The following TAF1 variants were observed in gnomAD, a reference collection of about 807,000 sequenced individuals.
TAF1 encodes the protein transcription initiation factor TFIID subunit 1.
A neutral mutation model predicts 138.5 loss-of-function variants in TAF1; 2 were observed. The observed-to-expected ratio is 0.01, with a 90% CI of 0.01 to 0.05. The LOEUF (loss-of-function observed/expected upper bound fraction) is 0.05, where lower values mean the gene tolerates loss of function less well. TAF1 is among the 10% of genes least tolerant of loss of function. TAF1 has a pLI of 1.00. For missense variants in TAF1, 709 were observed against 1,478.0 expected, an observed-to-expected ratio of 0.48 and a Z score of 8.53; for synonymous variants, 437 against 503.2, an observed-to-expected ratio of 0.87 and a Z score of 1.76.
intron 13 of TAF1, among the ~76,000 whole-genome samples, chrX:71,519,661 A>C (rs1002346432): frequency 6.3e-5 from 7 of 111,868 alleles, no homozygotes; most frequent in African/African-American, 2.3e-4. Context: ...AAAAATAAAA[A>C]AAATAAAAAC....
intron 13 of TAF1, among the ~76,000 whole-genome samples, chrX:71,488,288 G>C (rs1386405084): frequency 7.3e-5 from 7 of 96,198 alleles, no homozygotes; most frequent in African/African-American, 2.8e-4. Context: ...CTTTTGCCCA[G>C]GGTGGAGTGC....
At chrX:71,403,012 TTA>T (rs1460786987) in intron 25 of TAF1, among the ~76,000 whole-genome samples, 1 of 110,660 alleles carries the variant, frequency 9.0e-6, no homozygotes. Context: ...TCCCTACCTT[TTA>T]TGTTTTCCTT....
At chrX:71,405,940 A>G (rs946081010) in intron 25 of TAF1, among the ~76,000 whole-genome samples, 16 of 111,867 alleles carry the variant, frequency 1.4e-4, no homozygotes, top group Non-Finnish European at 3.8e-5. Flanking sequence ...ATGAGCTTTA[A>G]TGATTGAGGG....
At position 71,425,762 on chromosome X, in the gene TAF1, C is replaced by T. The variant is rs148703866; in HGVS notation, c.4753+1524C>T. The stretch of plus-strand genomic sequence containing the variant: ...TGAGAGTTAGGGAAGGCTTCATAAA[C>T]GAGCTAATATAGTTCAGTTTTTAAT... On this transcript the variant is annotated intron_variant, in intron 32 of 37. Transcript: ENST00000423759. Among the ~76,000 whole-genome samples, 393 of 111,829 alleles carry T rather than the reference C, an allele frequency of 3.5e-3. 3 individuals carry two copies. The highest frequency in any genetic ancestry group is 5.7e-3 in the Non-Finnish European group (305 of 53,200).
intron 28 of TAF1, among the ~76,000 whole-genome samples, chrX:71,413,212 T>C (rs967361915): frequency 2.7e-5 from 3 of 112,029 alleles, no homozygotes; most frequent in Non-Finnish European, 5.6e-5. Context: ...GCCGAATTGC[T>C]GAGTCCACAT....
intron 13 of TAF1, among the ~76,000 whole-genome samples, chrX:71,488,652 G>A: frequency 9.0e-6 from 1 of 111,399 alleles, no homozygotes; most frequent in South Asian, 3.8e-4. Flanking sequence ...AGCTACCTTG[G>A]CCTCCTAGTC....
intron 32 of TAF1, among the ~76,000 whole-genome samples, chrX:71,426,725 AAAAC>A (rs1446554097): frequency 4.5e-5 from 5 of 110,275 alleles, no homozygotes; most frequent in East Asian, 2.8e-4. Flanking sequence ...CAAAAAAAAA[AAAAC>A]AAAGAGACAG....
chrX:71,396,533 C>G (rs1337380507), intron 22 of TAF1, among the ~76,000 whole-genome samples: 1 of 109,997 alleles, frequency 9.1e-6, no homozygotes, highest in Non-Finnish European at 1.9e-5. Context: ...CTCAAGTGAT[C>G]CTCCCACCTT....
chrX:71,377,757 A>T lies in TAF1; in HGVS notation c.869A>T (p.Lys290Met). 1 of 1,211,739 alleles carries T rather than the reference A, an allele frequency of 8.3e-7. No homozygotes were observed. The highest frequency in any genetic ancestry group is 1.1e-6 in the Non-Finnish European group (1 of 895,556). ...TCAGTAGAATCAGAAGTCAGCCAGAAGTCTTTGTGGAACTACGACTACGCT... is the reference window on the plus strand; with the variant it reads ...TCAGTAGAATCAGAAGTCAGCCAGATGTCTTTGTGGAACTACGACTACGCT... ...ECSVESEVSQ[K>M]SLWNYDYAPP... Residue 290 changes from lysine to methionine, a missense_variant, in exon 6 of 38, where the codon AAG becomes ATG. Around this residue, in one of 14 missense-constraint regions of TAF1, gnomAD observed 26 missense variants for 20.9 expected, o/e 1.25. Coordinates refer to ENST00000423759, the MANE Select transcript of TAF1 (RefSeq NM_004606.5).
At chrX:71,520,132 TTTA>T (rs2039904783) in intron 13 of TAF1, among the ~76,000 whole-genome samples, 1 of 27,555 alleles carries the variant, frequency 3.6e-5, no homozygotes, top group Admixed American at 5.6e-4. Flanking sequence ...TTTTATTTTA[TTTA>T]TTTATTTATT....
intron 13 of TAF1, among the ~76,000 whole-genome samples, chrX:71,487,317 A>ATTTTTT (rs60691914): frequency 4.9e-4 from 27 of 55,001 alleles, no homozygotes; most frequent in Non-Finnish European, 6.4e-4. Flanking sequence ...TAATGTATGT[A>ATTTTTT]TTTTTTTTTT....
chrX:71,398,344 GAAAA>G (rs1204823703), intron 23 of TAF1, among the ~76,000 whole-genome samples: 32 of 72,510 alleles, frequency 4.4e-4, no homozygotes, highest in African/African-American at 1.3e-3. Context: ...TCTCAAGAAA[GAAAA>G]AAAAAAAAAA....
intron 32 of TAF1, among the ~76,000 whole-genome samples, chrX:71,426,059 A>G (rs1231434235): frequency 9.1e-6 from 1 of 109,543 alleles, no homozygotes; most frequent in African/African-American, 3.3e-5. Flanking sequence ...CAGGAGTGCA[A>G]GACCAGCCTG....
chrX:71,451,809 A>C (rs771631472), intron 32 of TAF1, among the ~76,000 whole-genome samples: 1 of 111,572 alleles, frequency 9.0e-6, no homozygotes, highest in Non-Finnish European at 1.9e-5. Context: ...TCATAGATCA[A>C]CAGGATCCCA....
At chrX:71,396,331 G>A (rs888011477) in intron 22 of TAF1, among the ~76,000 whole-genome samples, 15 of 92,757 alleles carry the variant, frequency 1.6e-4, no homozygotes, top group African/African-American at 3.3e-4. Context: ...ACCTCATTCT[G>A]TTGCCCAGGC....
At chrX:71,366,541 A>C (rs1266792771) in intron 1 of TAF1, 47 bp downstream of exon 1, 3 of 1,065,840 alleles carry the variant, frequency 2.8e-6, no homozygotes, top group Non-Finnish European at 3.7e-6. Flanking sequence ...GGGGCTAAGC[A>C]GAGGAAGGAG....
chrX:71,377,526 G>C (rs1569275015), intron 5 of TAF1, 77 bp from the exon 6 acceptor site: 1 of 1,091,613 alleles, frequency 9.2e-7, no homozygotes, highest in Non-Finnish European at 1.2e-6. Context: ...TCTCTCAAGG[G>C]AGTTTTCAGG....
At chrX:71,507,466 G>A (rs956118536) in intron 13 of TAF1, among the ~76,000 whole-genome samples, 1 of 111,584 alleles carries the variant, frequency 9.0e-6, no homozygotes, top group Non-Finnish European at 1.9e-5. Flanking sequence ...CTGGCCTCAA[G>A]CAATCCTCTC....
At position 71,397,443 on chromosome X, in the gene TAF1, G is replaced by A; in HGVS notation, c.3597G>A (p.Arg1199=). 8.3e-7 allele frequency: 1 copy of A among 1,211,627 alleles called. No homozygotes were observed. ...TCATTGATGCCTATGTGCGCATACGGACTACAAAAGATGAGGAATTCATGT... is the reference window on the plus strand; with the variant it reads ...TCATTGATGCCTATGTGCGCATACGAACTACAAAAGATGAGGAATTCATGT... ...PAVIDAYVRI[R]TTKDEEFIRK... Residue 1199 remains arginine (R), a synonymous_variant, in exon 23 of 38, where the codon CGG becomes CGA. Transcript: ENST00000423759.
Sources: allele counts gnomAD v4.1 joint callset (sites outside exome capture counted in the v4.1 genomes callset), GRCh38; gene constraint gnomAD v4.1.1; regional missense constraint gnomAD v4.1.1; transcripts MANE v1.5; gene names NCBI Gene and HGNC (gene_info 2026-07-23, HGNC 2026-07-21).